NTRK1: variants seen among roughly 807,000 people sequenced by gnomAD.
NTRK1 encodes the protein neurotrophic receptor tyrosine kinase 1.
NTRK1 carries 62 observed loss-of-function variants against 86.8 expected under a neutral mutation model. That is an observed-to-expected ratio of 0.71 (90% CI 0.58 to 0.88). The LOEUF is 0.88. Ranked by LOEUF, NTRK1 falls within the 40% of genes least tolerant of loss-of-function variation. The pLI is 0.00. For missense variants in NTRK1, 967 were observed against 1,078.4 expected (o/e 0.90, Z 1.45); for synonymous variants, 469 against 456.6 (o/e 1.03, Z -0.35).
At chr1:156,849,513 G>GGGGGGGGGGC in intron 2 of NTRK1, 3 of 486,116 alleles carry the variant, frequency 6.2e-6, no homozygotes, top group Admixed American at 2.2e-5. Flanking sequence ...CAGGGGGTGG[G>GGGGGGGGGGC]AAAGGGGATG....
At chr1:156,841,110 G>T in intron 1 of NTRK1, 1 of 1,554,758 alleles carries the variant, frequency 6.4e-7, no homozygotes, top group Non-Finnish European at 8.7e-7. Flanking sequence ...CCTGCCTGGT[G>T]GGTGTGGGGA....
intron 1 of NTRK1, chr1:156,837,765 G>C (rs767902295): frequency 7.9e-5 from 12 of 152,238 alleles, no homozygotes; most frequent in Non-Finnish European, 1.6e-4. Context: ...AACAGCTCAT[G>C]GACCAGGGGA....
chr1:156,842,840 G>A (rs1053291539), intron 2 of NTRK1, among the ~76,000 whole-genome samples: 1 of 152,112 alleles, frequency 6.6e-6, no homozygotes, highest in African/African-American at 2.4e-5. Context: ...CTATGACCCT[G>A]TTTGACTCTA....
At chr1:156,846,176 C>A in intron 2 of NTRK1, 1 of 1,491,926 alleles carries the variant, frequency 6.7e-7, no homozygotes. Flanking sequence ...TGAATACTAT[C>A]TAGTAATGAG....
intron 1 of NTRK1, among the ~76,000 whole-genome samples, chr1:156,863,933 G>A (rs950102501): frequency 3.3e-5 from 5 of 152,100 alleles, no homozygotes; most frequent in Admixed American, 1.3e-4. Flanking sequence ...CGTGAGAGAT[G>A]GACGTGAGCT....
chr1:156,840,964 G>C (rs1654755782), intron 1 of NTRK1: 3 of 1,613,790 alleles, frequency 1.9e-6, no homozygotes, highest in African/African-American at 2.7e-5. Context: ...GGAGCCCCGG[G>C]CCCCCCGGCA....
At chr1:156,869,052 C>A (rs1454547493) in intron 6 of NTRK1, among the ~76,000 whole-genome samples, 1 of 147,134 alleles carries the variant, frequency 6.8e-6, no homozygotes, top group Non-Finnish European at 1.5e-5. Context: ...TCCTTCCTTC[C>A]TTCCTTCCTT....
At chr1:156,852,506 T>C (rs1396815614) in intron 2 of NTRK1, among the ~76,000 whole-genome samples, 1 of 152,234 alleles carries the variant, frequency 6.6e-6, no homozygotes, top group African/African-American at 2.4e-5. Context: ...CTAGGCCTGG[T>C]GCCCAGATCA....
chr1:156,875,474 C>G, intron 11 of NTRK1, 46 bp from the exon 12 acceptor site: 1 of 1,612,248 alleles, frequency 6.2e-7, no homozygotes, highest in Non-Finnish European at 8.5e-7. Flanking sequence ...GTGGGCAGGG[C>G]CAAGGTGTGG....
intron 2 of NTRK1, chr1:156,845,497 C>A: frequency 1.3e-6 from 2 of 1,501,532 alleles, no homozygotes; most frequent in South Asian, 1.4e-5. Flanking sequence ...CCAAAAGCAC[C>A]CACAACCCGG....
At chr1:156,845,763 C>T in intron 2 of NTRK1, 2 of 1,613,412 alleles carry the variant, frequency 1.2e-6, no homozygotes, top group Non-Finnish European at 8.5e-7. Context: ...CTCAGGATCC[C>T]CGTCTTCGCC....
chr1:156,852,754 G>A (rs1218882524), intron 2 of NTRK1, among the ~76,000 whole-genome samples: 1 of 152,220 alleles, frequency 6.6e-6, no homozygotes, highest in East Asian at 1.9e-4. Flanking sequence ...GCTGGCTATG[G>A]GAGCGATCTG....
intron 1 of NTRK1, among the ~76,000 whole-genome samples, chr1:156,835,779 G>T (rs1217200387): frequency 6.6e-6 from 1 of 152,124 alleles, no homozygotes; most frequent in Non-Finnish European, 1.5e-5. Flanking sequence ...CAAAGCACTG[G>T]GCATCCATTA....
intron 14 of NTRK1, 21 bp downstream of exon 14, chr1:156,876,593 C>T (rs763250604): frequency 6.9e-6 from 11 of 1,601,490 alleles, no homozygotes; most frequent in South Asian, 2.2e-5. Flanking sequence ...CTGGCCTCAG[C>T]GCTGGCCCCG....
intron 10 of NTRK1, 125 bp downstream of exon 10, chr1:156,874,751 C>A (rs2102911070): frequency 8.2e-7 from 1 of 1,219,050 alleles, no homozygotes; most frequent in Non-Finnish European, 1.2e-6. Flanking sequence ...CTGACGGCCA[C>A]CCGCACAGCC....
intron 16 of NTRK1, 198 bp downstream of exon 16, chr1:156,880,355 A>C: frequency 3.1e-6 from 2 of 644,550 alleles, no homozygotes; most frequent in Non-Finnish European, 5.3e-6. Flanking sequence ...GCCTTCACCT[A>C]CTGTCCTAAG....
At chr1:156,849,245 C>G (rs780497647) in intron 2 of NTRK1, 2 of 1,613,582 alleles carry the variant, frequency 1.2e-6, no homozygotes, top group South Asian at 2.2e-5. Flanking sequence ...TGGGGTCTCA[C>G]AGGCGGCGCG....
intron 6 of NTRK1, 90 bp from the exon 7 acceptor site, chr1:156,871,533 C>G: frequency 4.2e-6 from 6 of 1,442,968 alleles, no homozygotes; most frequent in Non-Finnish European, 5.8e-6. Flanking sequence ...TCCTTTCCAT[C>G]TGGAGCCAGA....
intron 2 of NTRK1, chr1:156,849,493 GA>G: frequency 6.0e-6 from 6 of 991,750 alleles, no homozygotes; most frequent in African/African-American, 1.6e-5. Context: ...GCTCTGCGGG[GA>G]GGTGGGGGCA....
Sources: gnomAD v4.1 joint callset for allele counts (sites outside exome capture counted in the v4.1 genomes callset) on GRCh38, gnomAD v4.1.1 for gene constraint, MANE v1.5 for transcripts, NCBI Gene and HGNC (gene_info 2026-07-23, HGNC 2026-07-21) for gene names.